Variants in DYRK4 observed in about 807,000 individuals in gnomAD.
DYRK4 encodes dual specificity tyrosine-phosphorylation-regulated kinase 4.
In DYRK4, 64 loss-of-function variants were observed where a neutral mutation model predicts 68.3. The ratio of observed to expected loss-of-function variants is 0.94; its 90% CI spans 0.77 to 1.15. The LOEUF (loss-of-function observed/expected upper bound fraction) is 1.15. DYRK4 is among the 50% of genes most tolerant of loss of function. The pLI is 0.00. For missense variants in DYRK4, 740 were observed against 764.7 expected (o/e 0.97, Z 0.38); for synonymous variants, 274 against 289.9 (o/e 0.95, Z 0.56).
In DYRK4 at chr12:4,567,926, C is replaced by CA. The variant is rs754668737; in HGVS notation, c.39-27dup. On this transcript the variant is annotated intron_variant, in intron 1 of 14. Transcript: ENST00000543431. Reference sequence around the variant, plus strand: ...ATTACTTAGATTTGACTCCTCCTGCCAATTTATTTTTTACTTTCCCTCATG... The same window carrying CA: ...ATTACTTAGATTTGACTCCTCCTGCCAAATTTATTTTTTACTTTCCCTCATG... The CA allele has an allele frequency of 2.2e-5, 34 of 1,525,072 alleles. No individual in the cohort carries two copies. The South Asian group carries it at 3.8e-4, about 17-fold the overall frequency. 94.5% of individuals were successfully genotyped at this position (1,525,072 alleles called of 1,614,324 possible).
chr12:4,585,639 G>A lies in DYRK4; in HGVS notation c.133-3298G>A, dbSNP rs924122506. ...ACCGGGGACTGTTGTGGGGTGGGGG[G>A]AGCGGGGAGGGATAACATTAGGAGA... is the stretch of plus-strand genomic sequence containing the variant. On this transcript the variant is annotated intron_variant, in intron 2 of 14. Coordinates refer to ENST00000543431, the MANE Select transcript of DYRK4 (RefSeq NM_001394779.1). Among the ~76,000 whole-genome samples the A allele has an allele frequency of 8.6e-5, 13 of 151,866 alleles. 1 individual carries two copies. The highest frequency in any genetic ancestry group is 4.2e-4 in the South Asian group (2 of 4,800).
At chr12:4,585,642 C>G (rs567562772) in intron 2 of DYRK4, among the ~76,000 whole-genome samples, 3 of 149,866 alleles carry the variant, frequency 2.0e-5, no homozygotes, top group Non-Finnish European at 4.4e-5. Context: ...GTGGGGGGAG[C>G]GGGGAGGGAT....
chr12:4,587,327 AT>A (rs1293820056), intron 2 of DYRK4, among the ~76,000 whole-genome samples: 2 of 152,036 alleles, frequency 1.3e-5, no homozygotes, highest in East Asian at 3.9e-4. Flanking sequence ...AGCCTCACCC[AT>A]TCAGAAGAGC....
At chr12:4,586,220 C>G (rs1944894734) in intron 2 of DYRK4, among the ~76,000 whole-genome samples, 1 of 152,036 alleles carries the variant, frequency 6.6e-6, no homozygotes, top group South Asian at 2.1e-4. Flanking sequence ...GCCTCGTTGG[C>G]TTTCACTGAT....
chr12:4,562,280 C>T lies in DYRK4; in HGVS notation c.35C>T (p.Thr12Ile), dbSNP rs1320079903. 2 of 1,532,470 alleles carry T rather than the reference C, an allele frequency of 1.3e-6. No individual in the cohort carries two copies. Among genetic ancestry groups the T allele is most frequent in the East Asian group, 2.5e-5 (1 of 40,436 alleles). The allele number at this position is 1,532,470 out of a possible 1,614,324, so 94.9% of individuals were successfully genotyped here. ...CTCCCGCCGCCTATCCGCACCGGAA[C>T]AAAGTAAGGGCCGCGGAGGCTCGTA... ...QLLPPPIRTG[T>I]KTQMDAKKPR... Residue 12 changes from threonine (T) to isoleucine (I), a missense_variant, in exon 1 of 15, where the codon ACA becomes ATA. Coordinates refer to ENST00000543431, the MANE Select transcript of DYRK4 (RefSeq NM_001394779.1).
At position 4,591,174 on chromosome 12, in the gene DYRK4, C is replaced by T; in HGVS notation, c.339C>T (p.His113=). 4 of 1,614,038 alleles carry T rather than the reference C, an allele frequency of 2.5e-6. No individual in the cohort carries two copies. The highest frequency in any genetic ancestry group is 3.4e-6 in the Non-Finnish European group (4 of 1,179,972). The part of the protein sequence containing the change: ...SSLLYQENQA[H]NQMPASELKA... ...TTCCTGGACAGGAGAATCAAGCTCACAATCAGATGCCGGCCTCAGAGCTCA... is the reference window on the plus strand; with the variant it reads ...TTCCTGGACAGGAGAATCAAGCTCATAATCAGATGCCGGCCTCAGAGCTCA... Residue 113 remains histidine (H), a synonymous_variant, in exon 5 of 15, where the codon CAC becomes CAT. Transcript: ENST00000543431. The surrounding 1 kb of genome is among the most constrained non-coding windows in gnomAD (Gnocchi z 4.1).
At chr12:4,608,422 C>T (rs1444194013) in intron 12 of DYRK4, among the ~76,000 whole-genome samples, 1 of 152,162 alleles carries the variant, frequency 6.6e-6, no homozygotes, top group Admixed American at 6.5e-5. Context: ...CTGTTCACAA[C>T]TTGCTCCATC....
At chr12:4,569,458 A>G (rs1944709491) in intron 2 of DYRK4, among the ~76,000 whole-genome samples, 2 of 152,180 alleles carry the variant, frequency 1.3e-5, no homozygotes, top group Admixed American at 6.5e-5. Flanking sequence ...GCACACATTT[A>G]TTGAGTGCCG....
chr12:4,566,377 GA>G (rs898109074), intron 1 of DYRK4, among the ~76,000 whole-genome samples: 2 of 152,074 alleles, frequency 1.3e-5, no homozygotes, highest in Non-Finnish European at 2.9e-5. Flanking sequence ...AAAATTTCTG[GA>G]AAAAACAATG....
chr12:4,589,981 A>C (rs749132554), intron 3 of DYRK4: 15 of 204,102 alleles, frequency 7.3e-5, no homozygotes, highest in Non-Finnish European at 5.6e-5. Flanking sequence ...AATACTCTCT[A>C]TATATTGACT....
chr12:4,604,820 G>A (rs995776928), intron 10 of DYRK4, 94 bp from the exon 11 acceptor site: 1 of 1,414,168 alleles, frequency 7.1e-7, no homozygotes, highest in Middle Eastern at 2.0e-4. Flanking sequence ...ACTGCCAGCG[G>A]GGGCGCAGTC....
intron 11 of DYRK4, among the ~76,000 whole-genome samples, chr12:4,606,868 G>A (rs957486746): frequency 6.6e-6 from 1 of 152,238 alleles, no homozygotes; most frequent in Non-Finnish European, 1.5e-5. Flanking sequence ...AGTAGGAAAA[G>A]ATGAACAAGT....
intron 2 of DYRK4, among the ~76,000 whole-genome samples, chr12:4,568,533 G>T (rs187453137): frequency 2.6e-5 from 4 of 152,128 alleles, no homozygotes; most frequent in Admixed American, 6.5e-5. Context: ...TTACAAGCAT[G>T]CACCACCACG....
intron 2 of DYRK4, among the ~76,000 whole-genome samples, chr12:4,587,906 G>A (rs1944913512): frequency 6.6e-6 from 1 of 152,206 alleles, no homozygotes; most frequent in African/African-American, 2.4e-5. Flanking sequence ...CCATAGGGGA[G>A]GTCTGGAAGA....
intron 2 of DYRK4, among the ~76,000 whole-genome samples, chr12:4,586,790 G>C (rs568854616): frequency 6.6e-6 from 1 of 152,060 alleles, no homozygotes; most frequent in African/African-American, 2.4e-5. Flanking sequence ...TGGTTTTCCT[G>C]TTCATGGGAA....
At chr12:4,573,309 G>A (rs1215539367) in intron 2 of DYRK4, 2 of 1,289,392 alleles carry the variant, frequency 1.6e-6, no homozygotes, top group Non-Finnish European at 2.0e-6. Flanking sequence ...GTTTTACATA[G>A]TTTTCCCCAT....
At position 4,591,778 on chromosome 12, in the gene DYRK4, G is replaced by A. The variant is rs189537818; in HGVS notation, c.463+480G>A. 300 of 153,272 alleles carry A rather than the reference G, an allele frequency of 2.0e-3. No homozygotes were observed. Among genetic ancestry groups the A allele is most frequent in the Admixed American group, 3.4e-3 (52 of 15,462 alleles). 9.5% of individuals were successfully genotyped at this position (153,272 alleles called of 1,614,324 possible). On this transcript the variant is annotated intron_variant, in intron 5 of 14. Coordinates refer to ENST00000543431, the MANE Select transcript of DYRK4 (RefSeq NM_001394779.1). This position sits in a 1 kb window ranked among gnomAD's most constrained non-coding sequence, Gnocchi z 4.1. Reference sequence around the variant, plus strand: ...TGATTAGAAATGCAGACATGTAGAAGAGCATGGCCAGCCAGGGGTCTCAGT... The same window carrying A: ...TGATTAGAAATGCAGACATGTAGAAAAGCATGGCCAGCCAGGGGTCTCAGT...
At chr12:4,562,644 C>A (rs1212908456) in intron 1 of DYRK4, among the ~76,000 whole-genome samples, 9 of 152,250 alleles carry the variant, frequency 5.9e-5, no homozygotes, top group Admixed American at 2.0e-4. Flanking sequence ...CTTTCTTCCT[C>A]CCTTTCTTTC....
chr12:4,605,930 T>C (rs1945144688), intron 11 of DYRK4, among the ~76,000 whole-genome samples: 2 of 152,128 alleles, frequency 1.3e-5, no homozygotes, highest in African/African-American at 4.8e-5. Flanking sequence ...AAGAATCAAA[T>C]GGTGATCTGT....
Sources: allele counts gnomAD v4.1 joint callset (sites outside exome capture counted in the v4.1 genomes callset), GRCh38; gene constraint gnomAD v4.1.1; non-coding constraint Gnocchi (gnomAD v3.1); transcripts MANE v1.5; gene names NCBI Gene and HGNC (gene_info 2026-07-23, HGNC 2026-07-21).